The following CYSLTR1 variants were observed in gnomAD, a reference collection of about 807,000 sequenced individuals.
CYSLTR1 encodes the protein cysteinyl leukotriene receptor 1.
CYSLTR1 carries 1 observed loss-of-function variant against 2.1 expected under a neutral mutation model. The observed-to-expected ratio is 0.48, with a 90% CI of 0.17 to 2.28. The LOEUF is 2.28. CYSLTR1 is among the 30% of genes most tolerant of loss of function. The pLI is 0.26. For missense variants in CYSLTR1, 299 were observed against 250.1 expected (o/e 1.20, Z -1.32); for synonymous variants, 110 against 89.6 (o/e 1.23, Z -1.28).
At chrX:78,310,301 CT>C (rs1234993879) in intron 1 of CYSLTR1, among the ~76,000 whole-genome samples, 1 of 111,894 alleles carries the variant, frequency 8.9e-6, no homozygotes, top group Non-Finnish European at 1.9e-5. Flanking sequence ...CCTTTTGTCT[CT>C]TTTTCTTTGC....
chrX:78,296,420 C>T (rs764357811), intron 1 of CYSLTR1, among the ~76,000 whole-genome samples: 95 of 111,740 alleles, frequency 8.5e-4, no homozygotes, highest in Middle Eastern at 9.2e-3. Context: ...ATTGTTTTTT[C>T]TATTTCTGTG....
chrX:78,304,797 T>C (rs1405320145), intron 1 of CYSLTR1, among the ~76,000 whole-genome samples: 1 of 111,527 alleles, frequency 9.0e-6, no homozygotes, highest in African/African-American at 3.3e-5. Context: ...ACCTTAGTTA[T>C]AGATTCAAAT....
intron 1 of CYSLTR1, among the ~76,000 whole-genome samples, chrX:78,285,421 C>CAAAA (rs397897021): frequency 4.6e-5 from 3 of 65,579 alleles, no homozygotes; most frequent in African/African-American, 1.8e-4. Context: ...GACTCCGTCT[C>CAAAA]AAAAAAAAAA....
At position 78,272,728 on chromosome X, in the gene CYSLTR1, T is replaced by A; in HGVS notation, c.*5A>T. ...TCATTGGTTTGGACTGGAAATGGGT[T>A]TAAACTATACTTTACATATTTCTTC... is the stretch of plus-strand genomic sequence containing the variant. On this transcript the variant is annotated 3_prime_UTR_variant, in exon 3 of 3. Coordinates refer to ENST00000373304, the MANE Select transcript of CYSLTR1 (RefSeq NM_006639.4). 2 of 1,161,753 alleles carry A rather than the reference T, an allele frequency of 1.7e-6. No individual in the cohort carries two copies. The highest frequency in any genetic ancestry group is 2.4e-4 in the Middle Eastern group (1 of 4,124).
chrX:78,319,628 C>T (rs1923561519), intron 1 of CYSLTR1: 1 of 110,965 alleles, frequency 9.0e-6, no homozygotes, highest in Non-Finnish European at 1.9e-5. Flanking sequence ...GGGTATATAC[C>T]CAGTAATGGG....
intron 2 of CYSLTR1, among the ~76,000 whole-genome samples, chrX:78,280,037 C>T (rs1323253631): frequency 1.8e-5 from 2 of 110,675 alleles, no homozygotes; most frequent in African/African-American, 6.6e-5. Flanking sequence ...CATTTGTACC[C>T]TAATCCTCAG....
At chrX:78,299,129 T>TAAAC (rs953986745) in intron 1 of CYSLTR1, among the ~76,000 whole-genome samples, 13 of 111,884 alleles carry the variant, frequency 1.2e-4, no homozygotes, top group Admixed American at 2.9e-4. Context: ...ACTATTTGCA[T>TAAAC]AAACAAACAA....
chrX:78,284,436 G>A lies in CYSLTR1; in HGVS notation c.-114-896C>T, dbSNP rs184476410. Among the ~76,000 whole-genome samples, 14 of 111,027 alleles carry A rather than the reference G, an allele frequency of 1.3e-4. No homozygotes were observed. The East Asian group carries it at 3.7e-3, about 29-fold the overall frequency. On this transcript the variant is annotated intron_variant, in intron 1 of 2. Coordinates refer to ENST00000373304, the MANE Select transcript of CYSLTR1 (RefSeq NM_006639.4). Reference sequence around the variant, plus strand: ...TTTAGACAGAGTCTCACTCTGCCCAGGCTGGAGTGGCTGGAGTGCAGTGGC... The same window carrying A: ...TTTAGACAGAGTCTCACTCTGCCCAAGCTGGAGTGGCTGGAGTGCAGTGGC...
intron 2 of CYSLTR1, among the ~76,000 whole-genome samples, chrX:78,277,924 G>A (rs183102151): frequency 9.0e-6 from 1 of 111,540 alleles, no homozygotes; most frequent in African/African-American, 3.3e-5. Flanking sequence ...TAACCAGATT[G>A]AAATAGTTGA....
intron 1 of CYSLTR1, among the ~76,000 whole-genome samples, chrX:78,298,571 A>G (rs1922677230): frequency 9.0e-6 from 1 of 111,461 alleles, no homozygotes; most frequent in African/African-American, 3.3e-5. Flanking sequence ...GGATGCATAT[A>G]TATATTTAAA....
chrX:78,297,457 T>C (rs1922622532), intron 1 of CYSLTR1, among the ~76,000 whole-genome samples: 1 of 111,701 alleles, frequency 9.0e-6, no homozygotes, highest in South Asian at 3.7e-4. Context: ...GTTTGAAGAT[T>C]GGTATGAGTT....
At chrX:78,286,657 C>T (rs1037061558) in intron 1 of CYSLTR1, among the ~76,000 whole-genome samples, 4 of 95,163 alleles carry the variant, frequency 4.2e-5, no homozygotes, top group Non-Finnish European at 8.4e-5. Context: ...CTCCCCACAA[C>T]AGTCCCCAGA....
intron 1 of CYSLTR1, among the ~76,000 whole-genome samples, chrX:78,285,090 G>A (rs1296466163): frequency 9.0e-6 from 1 of 111,007 alleles, no homozygotes; most frequent in African/African-American, 3.3e-5. Context: ...AGCTTGTCCC[G>A]GGTCTCCGTA....
chrX:78,301,950 G>A (rs1270831645), intron 1 of CYSLTR1, among the ~76,000 whole-genome samples: 2 of 112,282 alleles, frequency 1.8e-5, no homozygotes, highest in Non-Finnish European at 3.8e-5. Context: ...AGGCAAGAGA[G>A]AAAGCTTGTG....
chrX:78,273,536 G>C lies in CYSLTR1; in HGVS notation c.211C>G (p.Leu71Val). 8.3e-7 allele frequency: 1 copy of C among 1,211,639 alleles called. No individual in the cohort carries two copies. The highest frequency in any genetic ancestry group is 1.1e-6 in the Non-Finnish European group (1 of 895,447). ...CGGAGAGGCAGTGTGCACACACAAA[G>C]TAGATCTGCTACTGCTAAATTAATC... ...YMINLAVADL[L>V]CVCTLPLRVV... is the part of the protein sequence containing the mutation. Residue 71 changes from leucine to valine, a missense_variant, in exon 3 of 3, where the codon CTT (leucine) becomes GTT (valine). Transcript: ENST00000373304.
intron 1 of CYSLTR1, among the ~76,000 whole-genome samples, chrX:78,298,091 C>G (rs774934552): frequency 9.0e-6 from 1 of 111,128 alleles, no homozygotes; most frequent in African/African-American, 3.3e-5. Context: ...TCGTTTGTTT[C>G]AAAAATTTTT....
chrX:78,271,549 A>C lies in CYSLTR1; in HGVS notation c.*1184T>G. The C allele has an allele frequency of 8.9e-6, 1 of 111,999 alleles. No homozygotes were observed. The highest frequency in any genetic ancestry group is 1.9e-5 in the Non-Finnish European group (1 of 53,195). 9.2% of individuals were successfully genotyped at this position (111,999 alleles called of 1,213,427 possible). ...CTTAAAGGACACACTACACTTCAGC[A>C]AAAGCTTGTCCACGCATATTATATT... is the stretch of plus-strand genomic sequence containing the variant. On this transcript the variant is annotated 3_prime_UTR_variant, in exon 3 of 3. Transcript: ENST00000373304.
intron 1 of CYSLTR1, among the ~76,000 whole-genome samples, chrX:78,296,716 C>T (rs749404449): frequency 9.0e-6 from 1 of 111,160 alleles, no homozygotes; most frequent in Non-Finnish European, 1.9e-5. Flanking sequence ...TATAGAAATG[C>T]TACTGATTTT....
At chrX:78,311,090 A>T (rs1301516207) in intron 1 of CYSLTR1, among the ~76,000 whole-genome samples, 1 of 111,214 alleles carries the variant, frequency 9.0e-6, no homozygotes, top group Non-Finnish European at 1.9e-5. Context: ...AAGAGGAAGT[A>T]GAGCTGTAAA....
Sources: allele counts gnomAD v4.1 joint callset (sites outside exome capture counted in the v4.1 genomes callset), GRCh38; gene constraint gnomAD v4.1.1; transcripts MANE v1.5; gene names NCBI Gene and HGNC (gene_info 2026-07-23, HGNC 2026-07-21).